SGMS2: variants seen among roughly 807,000 people sequenced by gnomAD.
SGMS2 encodes sphingomyelin synthase 2, also known as phosphatidylcholine:ceramide cholinephosphotransferase 2.
SGMS2 carries 21 observed loss-of-function variants against 43.8 expected under a neutral mutation model. The ratio of observed to expected loss-of-function variants is 0.48; its 90% CI spans 0.34 to 0.69. The LOEUF is 0.69. Among genes scored for constraint, SGMS2 ranks in the 30% least tolerant of loss-of-function variants. The pLI is 0.01. For missense variants in SGMS2, 384 were observed against 443.2 expected, an observed-to-expected ratio of 0.87 and a Z score of 1.20; for synonymous variants, 167 against 160.6, an observed-to-expected ratio of 1.04 and a Z score of -0.30.
At chr4:107,862,602 T>A (rs935054228) in intron 2 of SGMS2, among the ~76,000 whole-genome samples, 5 of 152,146 alleles carry the variant, frequency 3.3e-5, no homozygotes, top group African/African-American at 1.2e-4. Context: ...AGGACCTGTT[T>A]ATTCTGTGTA....
At chr4:107,874,305 G>T (rs1203070476) in intron 2 of SGMS2, among the ~76,000 whole-genome samples, 6 of 152,122 alleles carry the variant, frequency 3.9e-5, no homozygotes, top group South Asian at 4.1e-4. Flanking sequence ...AGACACATTT[G>T]TTTATTAGAA....
chr4:107,859,800 A>T (rs1727626130), intron 2 of SGMS2, among the ~76,000 whole-genome samples: 1 of 152,176 alleles, frequency 6.6e-6, no homozygotes, highest in Non-Finnish European at 1.5e-5. Context: ...TGGCAGATGG[A>T]CACAAGCAGG....
chr4:107,851,187 G>A (rs182722548), intron 1 of SGMS2, among the ~76,000 whole-genome samples: 175 of 152,286 alleles, frequency 1.1e-3, no homozygotes, highest in South Asian at 2.5e-3. Context: ...AGCCTGCAGG[G>A]TGTGGAAGTC....
In SGMS2 at chr4:107,825,114, T is replaced by A. The variant is rs184847002; in HGVS notation, c.-466T>A. 2.6e-5 allele frequency: 4 copies of A among 152,298 alleles called. No individual in the cohort carries two copies. Among genetic ancestry groups the A allele is most frequent in the Non-Finnish European group, 4.4e-5 (3 of 68,110 alleles). The allele number at this position is 152,298 out of a possible 1,614,324, so 9.4% of individuals were successfully genotyped here. ...GGAGGGCGAGACCCCGAGCAAACTT[T>A]CTAGCGGCTTCGGCCCGAGGGTGGT... On this transcript the variant is annotated 5_prime_UTR_variant, in exon 1 of 7. Coordinates refer to ENST00000690982, the MANE Select transcript of SGMS2 (RefSeq NM_001375905.1).
intron 2 of SGMS2, among the ~76,000 whole-genome samples, chr4:107,881,739 C>T (rs1304657701): frequency 6.6e-6 from 1 of 152,136 alleles, no homozygotes; most frequent in Non-Finnish European, 1.5e-5. Context: ...CATTAACCAT[C>T]TCTACTTCAC....
chr4:107,826,625 TCTTA>T (rs1725606922), intron 1 of SGMS2, among the ~76,000 whole-genome samples: 1 of 152,124 alleles, frequency 6.6e-6, no homozygotes. Context: ...CTTCTAATGT[TCTTA>T]CTTCACAATA....
At chr4:107,902,954 C>T (rs1368157523) in intron 4 of SGMS2, among the ~76,000 whole-genome samples, 1 of 151,974 alleles carries the variant, frequency 6.6e-6, no homozygotes, top group Admixed American at 6.6e-5. Flanking sequence ...GTGGTGAAGT[C>T]ATTGGTTATT....
intron 2 of SGMS2, among the ~76,000 whole-genome samples, chr4:107,862,745 G>A (rs763500515): frequency 1.3e-5 from 2 of 152,132 alleles, no homozygotes; most frequent in Non-Finnish European, 2.9e-5. Flanking sequence ...GGAGGACGTC[G>A]TGCTGAATAG....
At chr4:107,892,373 T>C (rs771326462) in intron 2 of SGMS2, among the ~76,000 whole-genome samples, 6 of 151,850 alleles carry the variant, frequency 4.0e-5, no homozygotes, top group Non-Finnish European at 8.8e-5. Flanking sequence ...GCCATAAAGA[T>C]AGCCCAAGGT....
intron 1 of SGMS2, among the ~76,000 whole-genome samples, chr4:107,830,544 G>C (rs992759517): frequency 6.6e-6 from 1 of 152,044 alleles, no homozygotes. Flanking sequence ...TTGCCAGCAT[G>C]TTTTTTGACT....
chr4:107,842,603 G>A (rs1726585392), intron 1 of SGMS2, among the ~76,000 whole-genome samples: 1 of 152,124 alleles, frequency 6.6e-6, no homozygotes, highest in African/African-American at 2.4e-5. Flanking sequence ...CTAGTTGTCT[G>A]GTAGACAGTC....
Position 107,903,271 on chromosome 4 carries a change from A to G in SGMS2, c.612A>G (p.Leu204=), listed in dbSNP as rs764957272. Residue 204 remains leucine, a synonymous_variant, in exon 5 of 7, where the codon CTA becomes CTG. Coordinates refer to ENST00000690982, the MANE Select transcript of SGMS2 (RefSeq NM_001375905.1). ...CTCAGGCAAAAGTTCAACGGATTCT[A>G]CGATTGATTTCTGGTGGTGGATTGT... ...GDSQAKVQRI[L]RLISGGGLSI... is the part of the protein sequence containing the mutation. 6 of 1,613,940 alleles carry G rather than the reference A, an allele frequency of 3.7e-6. No individual in the cohort carries two copies. In the African/African-American group the frequency reaches 8.0e-5, roughly 22 times the overall value.
intron 2 of SGMS2, among the ~76,000 whole-genome samples, chr4:107,859,615 C>T (rs1167229256): frequency 1.3e-5 from 2 of 152,130 alleles, no homozygotes; most frequent in Non-Finnish European, 1.5e-5. Context: ...ACTTACTGAA[C>T]GCTTTCTATG....
In SGMS2 at chr4:107,903,217, T is replaced by A; in HGVS notation, c.574-16T>A. 6.2e-7 allele frequency: 1 copy of A among 1,613,494 alleles called. No homozygotes were observed. The highest frequency in any genetic ancestry group is 8.5e-7 in the Non-Finnish European group (1 of 1,179,462). ...CCACTTGTAAATTCCCTTCTTAATC[T>A]TCTTGTGTCATTCAGCTCAATGGAG... On this transcript the variant is annotated splice_polypyrimidine_tract_variant and intron_variant, in intron 4 of 6. Coordinates refer to ENST00000690982, the MANE Select transcript of SGMS2 (RefSeq NM_001375905.1).
At chr4:107,833,080 T>G (rs1725980067) in intron 1 of SGMS2, among the ~76,000 whole-genome samples, 1 of 152,084 alleles carries the variant, frequency 6.6e-6, no homozygotes, top group South Asian at 2.1e-4. Flanking sequence ...TATCAAGCAT[T>G]TCCCTGTAAA....
At chr4:107,878,634 C>T (rs898955419) in intron 2 of SGMS2, among the ~76,000 whole-genome samples, 5 of 152,068 alleles carry the variant, frequency 3.3e-5, no homozygotes, top group African/African-American at 1.2e-4. Context: ...ATTCATTCAC[C>T]TTACAGCATT....
intron 2 of SGMS2, among the ~76,000 whole-genome samples, chr4:107,874,252 A>G (rs527697692): frequency 6.6e-6 from 1 of 152,326 alleles, no homozygotes; most frequent in Admixed American, 6.5e-5. Flanking sequence ...GGAATGTTCA[A>G]GCTCTGTACA....
chr4:107,847,293 AG>A (rs1726885010), intron 1 of SGMS2, among the ~76,000 whole-genome samples: 1 of 152,140 alleles, frequency 6.6e-6, no homozygotes, highest in Non-Finnish European at 1.5e-5. Context: ...TTTTTGTATA[AG>A]GTGTAAGGAA....
chr4:107,850,141 CCT>C (rs1317192603), intron 1 of SGMS2, among the ~76,000 whole-genome samples: 3 of 152,156 alleles, frequency 2.0e-5, no homozygotes, highest in African/African-American at 7.2e-5. Context: ...GTCTCTTGAT[CCT>C]GCTCTGGCCA....
Sources: allele counts gnomAD v4.1 joint callset (sites outside exome capture counted in the v4.1 genomes callset), GRCh38; gene constraint gnomAD v4.1.1; transcripts MANE v1.5; gene names NCBI Gene and HGNC (gene_info 2026-07-23, HGNC 2026-07-21).